BTF3L4: variants seen among roughly 807,000 people sequenced by gnomAD.
BTF3L4 encodes transcription factor BTF3 homolog 4.
In BTF3L4, 6 loss-of-function variants were observed where a neutral mutation model predicts 16.8. The observed-to-expected ratio is 0.36, with a 90% CI of 0.20 to 0.71. The LOEUF is 0.71. Ranked by LOEUF, BTF3L4 falls within the 30% of genes least tolerant of loss-of-function variation. The probability of loss-of-function intolerance (pLI) is 0.58; values close to 1 mark genes in which losing one functional copy is unlikely to be tolerated. For missense variants in BTF3L4, 92 were observed against 186.9 expected (o/e 0.49, Z 2.96); for synonymous variants, 39 against 59.8 (o/e 0.65, Z 1.60).
Position 52,082,629 on chromosome 1 carries a change from G to C in BTF3L4, c.169-711G>C, listed in dbSNP as rs544316710. ...ATGTGCCTCTCATCTCAGCTACCAG[G>C]TTGGGAGGCTGAGGGAGGAGAATGG... On this transcript the variant is annotated intron_variant, in intron 3 of 5. Transcript: ENST00000313334. 1.1e-4 allele frequency among the ~76,000 whole-genome samples: 17 copies of C among 152,114 alleles called. No homozygotes were observed. The East Asian group carries it at 3.3e-3, about 29-fold the overall frequency.
At chr1:52,077,320 T>G (rs1346228521) in intron 3 of BTF3L4, among the ~76,000 whole-genome samples, 1 of 152,154 alleles carries the variant, frequency 6.6e-6, no homozygotes, top group Non-Finnish European at 1.5e-5. Context: ...GGTGGGTGGG[T>G]CACCTGAGGT....
chr1:52,068,760 G>A (rs2783199), intron 3 of BTF3L4, among the ~76,000 whole-genome samples: 140,272 of 152,164 alleles, frequency 0.92, 65,520 homozygotes, highest in Non-Finnish European at 1. Flanking sequence ...TGCAGAATTC[G>A]TTCCTTAAAC....
chr1:52,074,190 GT>G (rs543816842), intron 3 of BTF3L4, among the ~76,000 whole-genome samples: 3 of 150,940 alleles, frequency 2.0e-5, no homozygotes, highest in African/African-American at 7.3e-5. Flanking sequence ...GTTTGGTTTG[GT>G]TTTTTTTGTT....
rs546676666 is a variant in BTF3L4 at position 52,075,145 on chromosome 1, T to C, written c.169-8195T>C. Among the ~76,000 whole-genome samples the C allele has an allele frequency of 6.2e-4, 95 of 152,362 alleles. 1 individual carries two copies. Among genetic ancestry groups the C allele is most frequent in the African/African-American group, 2.2e-3 (90 of 41,584 alleles). ...TTTTAATCATGTGTAGGTATCTACA[T>C]ACATTCCAGTATATGGATATACTGT... is the stretch of plus-strand genomic sequence containing the variant. On this transcript the variant is annotated intron_variant, in intron 3 of 5. Coordinates refer to ENST00000313334, the MANE Select transcript of BTF3L4 (RefSeq NM_152265.5).
At chr1:52,060,863 G>A (rs151224316) in intron 2 of BTF3L4, among the ~76,000 whole-genome samples, 1 of 152,350 alleles carries the variant, frequency 6.6e-6, no homozygotes, top group East Asian at 1.9e-4. Context: ...AGCATCAAGT[G>A]TGATGTGATG....
rs1421510938 is a variant in BTF3L4, at chr1:52,072,101, C to G, written c.168+7163C>G. ...GTGCAGTCTCGCTCTTTTGCCCAGG[C>G]TGGAGTGCAGTGGTGCGATCTCGGC... On this transcript the variant is annotated intron_variant, in intron 3 of 5. Transcript: ENST00000313334. 2.0e-5 allele frequency among the ~76,000 whole-genome samples: 3 copies of G among 150,416 alleles called. No individual in the cohort carries two copies. The South Asian group carries it at 6.3e-4, about 32-fold the overall frequency.
chr1:52,059,019 G>A (rs1686444281), intron 1 of BTF3L4, among the ~76,000 whole-genome samples: 1 of 152,054 alleles, frequency 6.6e-6, no homozygotes, highest in Non-Finnish European at 1.5e-5. Context: ...TATAATTTTA[G>A]AATCTTCAAA....
chr1:52,064,976 C>T lies in BTF3L4; in HGVS notation c.168+38C>T, dbSNP rs777143331. Reference sequence around the variant, plus strand: ...TGCAAGTTGTTAAATTGTGTGGGTACATGCACAAATAATTGTCTGGACCTT... The same window carrying T: ...TGCAAGTTGTTAAATTGTGTGGGTATATGCACAAATAATTGTCTGGACCTT... On this transcript the variant is annotated intron_variant, in intron 3 of 5. Transcript: ENST00000313334. The T allele has an allele frequency of 4.0e-6, 5 of 1,248,548 alleles. No homozygotes were observed. The African/African-American group carries it at 4.5e-5, about 11-fold the overall frequency. The allele number at this position is 1,248,548 out of a possible 1,614,324, so 77.3% of individuals were successfully genotyped here.
At chr1:52,065,031 C>CT in intron 3 of BTF3L4, 93 bp downstream of exon 3, 1 of 614,944 alleles carries the variant, frequency 1.6e-6, no homozygotes, top group Non-Finnish European at 2.7e-6. Context: ...TTAGAAAAAT[C>CT]TTTGATATTG....
chr1:52,058,499 T>C (rs184697894), intron 1 of BTF3L4, among the ~76,000 whole-genome samples: 27 of 152,364 alleles, frequency 1.8e-4, no homozygotes, highest in Middle Eastern at 6.8e-3. Context: ...TTTAGAGAAT[T>C]GGCCAAAGAA....
chr1:52,073,943 A>G (rs1686864047), intron 3 of BTF3L4, among the ~76,000 whole-genome samples: 1 of 151,888 alleles, frequency 6.6e-6, no homozygotes, highest in Non-Finnish European at 1.5e-5. Context: ...GTTGCAGTGA[A>G]CTGAGATCGT....
intron 4 of BTF3L4, 28 bp from the exon 5 acceptor site, chr1:52,086,084 G>A: frequency 6.6e-7 from 1 of 1,505,142 alleles, no homozygotes; most frequent in Non-Finnish European, 9.1e-7. Flanking sequence ...TGTTCTCAAT[G>A]ACTAATATTA....
At chr1:52,075,304 A>G (rs1028624972) in intron 3 of BTF3L4, among the ~76,000 whole-genome samples, 1 of 151,118 alleles carries the variant, frequency 6.6e-6, no homozygotes, top group African/African-American at 2.4e-5. Flanking sequence ...CTGTAATCCC[A>G]GCACTTTGGG....
intron 3 of BTF3L4, among the ~76,000 whole-genome samples, chr1:52,081,494 T>G (rs1474414262): frequency 1.3e-5 from 2 of 152,310 alleles, no homozygotes; most frequent in Admixed American, 1.3e-4. Context: ...TCTTTTGTTC[T>G]TTTCCCATTC....
At chr1:52,068,237 A>G (rs1349490650) in intron 3 of BTF3L4, among the ~76,000 whole-genome samples, 2 of 152,246 alleles carry the variant, frequency 1.3e-5, no homozygotes, top group Admixed American at 6.5e-5. Context: ...TGCCGAGGTC[A>G]TGGTGTTGCT....
chr1:52,086,737 A>G lies in BTF3L4; in HGVS notation c.456A>G (p.Ala152=). ...VPDLVENFDE[A]SKNEAN ...ATCTTGTAGAAAATTTTGATGAGGC[A>G]TCAAAGAATGAAGCTAACTAAAAGT... is the stretch of plus-strand genomic sequence containing the variant. The change falls in exon 6 of 6, where the codon GCA becomes GCG. Residue 152 remains alanine (A), a synonymous_variant. Transcript: ENST00000313334. 1 of 1,599,722 alleles carries G rather than the reference A, an allele frequency of 6.3e-7. No individual in the cohort carries two copies. The highest frequency in any genetic ancestry group is 8.5e-7 in the Non-Finnish European group (1 of 1,173,470).
chr1:52,084,983 CT>C lies in BTF3L4; in HGVS notation c.371-1126del, dbSNP rs1643957347. ...AGTGCCCATACTACCTAGCTAGATACTTTCTTACACCAAAAGAAATGAAAAA... is the reference window on the plus strand; with the variant it reads ...AGTGCCCATACTACCTAGCTAGATACTTCTTACACCAAAAGAAATGAAAAA... On this transcript the variant is annotated intron_variant, in intron 4 of 5. Coordinates refer to ENST00000313334, the MANE Select transcript of BTF3L4 (RefSeq NM_152265.5). Among the ~76,000 whole-genome samples the C allele has an allele frequency of 2.2e-5, 3 of 138,048 alleles. No individual in the cohort carries two copies. The South Asian group carries it at 7.2e-4, about 33-fold the overall frequency. The allele number at this position is 138,048 out of a possible 152,430, so 90.6% of individuals were successfully genotyped here.
chr1:52,064,450 C>CAGGG (rs1553238838), intron 2 of BTF3L4, among the ~76,000 whole-genome samples: 2 of 152,030 alleles, frequency 1.3e-5, no homozygotes, highest in African/African-American at 4.8e-5. Flanking sequence ...AGACTACTGG[C>CAGGG]AGGGGGTGGT....
rs1359656105 is a variant in BTF3L4, at chr1:52,089,521, A to G, written c.*2763A>G. 1 of 152,176 alleles carries G rather than the reference A, an allele frequency of 6.6e-6. No individual in the cohort carries two copies. The highest frequency in any genetic ancestry group is 2.4e-5 in the African/African-American group (1 of 41,452). The allele number at this position is 152,176 out of a possible 1,614,324, so 9.4% of individuals were successfully genotyped here. ...AAATATGAATTAAATCTTTTTTTAT[A>G]TTTAAATAACTAGTTAAATATGTGC... On this transcript the variant is annotated 3_prime_UTR_variant, in exon 6 of 6. Transcript: ENST00000313334.
Sources: gnomAD v4.1 joint callset for allele counts (sites outside exome capture counted in the v4.1 genomes callset) on GRCh38, gnomAD v4.1.1 for gene constraint, MANE v1.5 for transcripts, NCBI Gene and HGNC (gene_info 2026-07-23, HGNC 2026-07-21) for gene names.